The following UMAD1 variants were observed in gnomAD, a reference collection of about 807,000 sequenced individuals.
The protein encoded by UMAD1 is UBAP1-MVB12-associated (UMA) domain containing 1.
In UMAD1, 8 loss-of-function variants were observed where a neutral mutation model predicts 6.1. The ratio of observed to expected loss-of-function variants is 1.30; its 90% CI spans 0.76 to 2.35. The LOEUF is 2.35. Ranked by LOEUF, UMAD1 falls within the 30% of genes most tolerant of loss-of-function variation. The pLI, the probability that UMAD1 is intolerant of heterozygous loss-of-function variation, is 0.00. For missense variants in UMAD1, 130 were observed against 78.4 expected, an observed-to-expected ratio of 1.66 and a Z score of -2.49; for synonymous variants, 56 against 31.4, an observed-to-expected ratio of 1.78 and a Z score of -2.61.
At chr7:7,809,814 C>T (rs141742648) in intron 3 of UMAD1, among the ~76,000 whole-genome samples, 17 of 152,116 alleles carry the variant, frequency 1.1e-4, no homozygotes, top group African/African-American at 4.1e-4. Flanking sequence ...TCCATTATGT[C>T]TTTCATAGAG....
chr7:7,736,192 C>G (rs532101003), intron 2 of UMAD1: 1 of 152,314 alleles, frequency 6.6e-6, no homozygotes, highest in African/African-American at 2.4e-5. Context: ...TCTTCAGTTC[C>G]CAATATAAAT....
chr7:7,838,345 G>C (rs1266890636), intron 3 of UMAD1, among the ~76,000 whole-genome samples: 1 of 152,096 alleles, frequency 6.6e-6, no homozygotes, highest in African/African-American at 2.4e-5. Flanking sequence ...CATGATTTGA[G>C]CAACAGAGTT....
At chr7:7,756,118 A>C (rs1781770782) in intron 2 of UMAD1, among the ~76,000 whole-genome samples, 1 of 152,198 alleles carries the variant, frequency 6.6e-6, no homozygotes, top group Non-Finnish European at 1.5e-5. Context: ...TAAATGCTAA[A>C]ACTAGGCATA....
chr7:7,725,996 T>C (rs1220038150), intron 2 of UMAD1, among the ~76,000 whole-genome samples: 1 of 152,214 alleles, frequency 6.6e-6, no homozygotes, highest in Non-Finnish European at 1.5e-5. Flanking sequence ...ACTTTGAGCA[T>C]TGCACCTGGT....
At chr7:7,766,914 T>A (rs1442962523) in intron 2 of UMAD1, among the ~76,000 whole-genome samples, 5 of 152,158 alleles carry the variant, frequency 3.3e-5, no homozygotes, top group Admixed American at 2.6e-4. Context: ...TATGGAAACT[T>A]ACTGTCTGGT....
At chr7:7,656,314 A>ATT (rs869099532) in intron 1 of UMAD1, among the ~76,000 whole-genome samples, 1 of 150,878 alleles carries the variant, frequency 6.6e-6, no homozygotes, top group African/African-American at 2.4e-5. Flanking sequence ...ATTTAAAAAA[A>ATT]TTTTTTTTTT....
intron 1 of UMAD1, among the ~76,000 whole-genome samples, chr7:7,671,368 C>T (rs773393851): frequency 4.6e-5 from 7 of 152,276 alleles, no homozygotes; most frequent in Non-Finnish European, 7.4e-5. Context: ...CCCTTAGTCT[C>T]TTTTTTCTGA....
Position 7,878,506 on chromosome 7 carries a change from G to A in UMAD1, c.*968G>A, listed in dbSNP as rs1007437383. ...GCAGAACACCTAGATATGACTTTTA[G>A]TTCTTGAATATCCATTACTTACTTT... is the stretch of plus-strand genomic sequence containing the variant. On this transcript the variant is annotated 3_prime_UTR_variant, in exon 4 of 4. Coordinates refer to ENST00000682710, the MANE Select transcript of UMAD1 (RefSeq NM_001302348.2). 6.6e-6 allele frequency: 1 copy of A among 152,106 alleles called. No homozygotes were observed. Among genetic ancestry groups the A allele is most frequent in the Non-Finnish European group, 1.5e-5 (1 of 68,026 alleles). The allele number at this position is 152,106 out of a possible 1,614,324, so 9.4% of individuals were successfully genotyped here.
intron 2 of UMAD1, among the ~76,000 whole-genome samples, chr7:7,695,979 C>T (rs945090023): frequency 7.5e-6 from 1 of 133,478 alleles, no homozygotes; most frequent in Non-Finnish European, 1.6e-5. Flanking sequence ...GTGTATATCT[C>T]CGTTTTTTTT....
chr7:7,663,194 G>T (rs200076500), intron 1 of UMAD1, among the ~76,000 whole-genome samples: 1 of 98,690 alleles, frequency 1.0e-5, no homozygotes, highest in Admixed American at 1.1e-4. Flanking sequence ...AAAAAAAAAA[G>T]TCTGGTCTTG....
intron 3 of UMAD1, among the ~76,000 whole-genome samples, chr7:7,804,160 T>C (rs1782858761): frequency 6.6e-6 from 1 of 152,008 alleles, no homozygotes; most frequent in Non-Finnish European, 1.5e-5. Flanking sequence ...GGCTGGGCAA[T>C]GAGAGGACAG....
chr7:7,663,527 C>G (rs1198948723), intron 1 of UMAD1, among the ~76,000 whole-genome samples: 1 of 152,072 alleles, frequency 6.6e-6, no homozygotes, highest in Non-Finnish European at 1.5e-5. Flanking sequence ...GGGGGAGAGT[C>G]TTTATGTAAT....
chr7:7,735,242 G>A (rs1166910381), intron 2 of UMAD1, among the ~76,000 whole-genome samples: 1 of 152,030 alleles, frequency 6.6e-6, no homozygotes, highest in African/African-American at 2.4e-5. Context: ...AACCCATTAC[G>A]GGATCAAATT....
intron 2 of UMAD1, among the ~76,000 whole-genome samples, chr7:7,723,245 C>G (rs1423525806): frequency 6.6e-6 from 1 of 152,122 alleles, no homozygotes; most frequent in Non-Finnish European, 1.5e-5. Context: ...ATCTGGAGAA[C>G]AGGCGTGGGA....
intron 1 of UMAD1, among the ~76,000 whole-genome samples, chr7:7,658,508 T>G (rs1336647777): frequency 2.6e-5 from 4 of 152,120 alleles, no homozygotes; most frequent in Admixed American, 6.5e-5. Flanking sequence ...TTTTTGAGAG[T>G]TTTTAGTATG....
At chr7:7,706,464 A>G (rs74948230) in intron 2 of UMAD1, among the ~76,000 whole-genome samples, 108 of 152,332 alleles carry the variant, frequency 7.1e-4, no homozygotes, top group African/African-American at 2.6e-3. Flanking sequence ...TGAAACCTAT[A>G]TAACAATGCT....
chr7:7,646,715 TG>T (rs1230536979), intron 1 of UMAD1, among the ~76,000 whole-genome samples: 2 of 151,968 alleles, frequency 1.3e-5, no homozygotes, highest in Non-Finnish European at 2.9e-5. Flanking sequence ...GATCTTCCCT[TG>T]GAGTTCGGCT....
chr7:7,666,903 T>A (rs571408009), intron 1 of UMAD1, among the ~76,000 whole-genome samples: 1 of 152,252 alleles, frequency 6.6e-6, no homozygotes, highest in African/African-American at 2.4e-5. Context: ...CCTCCCAAGT[T>A]CAAGTAATTC....
chr7:7,835,587 A>C (rs760860432), intron 3 of UMAD1, among the ~76,000 whole-genome samples: 1 of 150,496 alleles, frequency 6.6e-6, no homozygotes, highest in Non-Finnish European at 1.5e-5. Context: ...TTGTACAATA[A>C]ATAAAATAAT....
Sources: allele counts gnomAD v4.1 joint callset (sites outside exome capture counted in the v4.1 genomes callset), GRCh38; gene constraint gnomAD v4.1.1; transcripts MANE v1.5; gene names NCBI Gene and HGNC (gene_info 2026-07-23, HGNC 2026-07-21).